Variants in MRPL14 observed in about 807,000 individuals in gnomAD.
MRPL14 encodes large ribosomal subunit protein uL14m.
In MRPL14, 8 loss-of-function variants were observed where a neutral mutation model predicts 10.9. That is an observed-to-expected ratio of 0.74 (90% confidence interval 0.43 to 1.33). MRPL14 has a LOEUF of 1.33. MRPL14 is among the 40% of genes most tolerant of loss of function. MRPL14 has a pLI of 0.01. For synonymous variants in MRPL14, 82 were observed against 74.1 expected (o/e 1.11, Z -0.54); for missense variants, 179 against 194.5 (o/e 0.92, Z 0.47).
chr6:44,125,855 C>A (rs1207106613), intron 1 of MRPL14, among the ~76,000 whole-genome samples: 4 of 152,128 alleles, frequency 2.6e-5, no homozygotes, highest in East Asian at 3.9e-4. Context: ...AAAGACCCTT[C>A]CCACCAAGCA....
chr6:44,122,269 A>C lies in MRPL14; in HGVS notation c.-19+5075T>G, dbSNP rs571464074. ...AGCTAATTTTTTGTATTTTCAGTAG[A>C]GACGGGGGTTTCACTGTGTTAGCCA... On this transcript the variant is annotated intron_variant, in intron 1 of 2. Transcript: ENST00000372014. Among the ~76,000 whole-genome samples, 4 of 152,158 alleles carry C rather than the reference A, an allele frequency of 2.6e-5. No homozygotes were observed. In the East Asian group the frequency reaches 5.8e-4, roughly 22 times the overall value.
intron 2 of MRPL14, among the ~76,000 whole-genome samples, chr6:44,114,878 A>C (rs1162845725): frequency 6.6e-6 from 1 of 152,124 alleles, no homozygotes; most frequent in Non-Finnish European, 1.5e-5. Flanking sequence ...CAAAGGGCTG[A>C]GATTACAGGC....
chr6:44,117,052 T>A (rs529586608), intron 1 of MRPL14, among the ~76,000 whole-genome samples: 351 of 152,238 alleles, frequency 2.3e-3, no homozygotes, highest in African/African-American at 7.8e-3. Context: ...GCACTTTAAC[T>A]CCCTAAAAGA....
At chr6:44,122,619 A>T (rs1776559903) in intron 1 of MRPL14, among the ~76,000 whole-genome samples, 1 of 152,202 alleles carries the variant, frequency 6.6e-6, no homozygotes, top group Non-Finnish European at 1.5e-5. Flanking sequence ...GCCTCTAAGT[A>T]GTACTTAGAT....
intron 1 of MRPL14, among the ~76,000 whole-genome samples, chr6:44,118,403 T>G (rs555945915): frequency 2.1e-4 from 32 of 152,184 alleles, no homozygotes; most frequent in Non-Finnish European, 4.4e-4. Flanking sequence ...ATTAGAAAAT[T>G]GATATACAGG....
chr6:44,113,780 CA>C lies in MRPL14; in HGVS notation c.*62del. ...CCATGTGGCTCCCAAGCTCCCTTAG[CA>C]AAAGGGTGGTTCTCAGAACTGCTCC... On this transcript the variant is annotated 3_prime_UTR_variant, in exon 3 of 3. Coordinates refer to ENST00000372014, the MANE Select transcript of MRPL14 (RefSeq NM_032111.4). 1.3e-6 allele frequency: 2 copies of C among 1,504,446 alleles called. No individual in the cohort carries two copies. The highest frequency in any genetic ancestry group is 1.8e-6 in the Non-Finnish European group (2 of 1,125,002). The allele number at this position is 1,504,446 out of a possible 1,614,324, so 93.2% of individuals were successfully genotyped here.
intron 1 of MRPL14, among the ~76,000 whole-genome samples, chr6:44,123,069 T>C (rs1776609201): frequency 6.6e-6 from 1 of 152,212 alleles, no homozygotes; most frequent in Admixed American, 6.5e-5. Flanking sequence ...TCAAAGTACT[T>C]TCACACAGAT....
chr6:44,118,717 C>G (rs1369396255), intron 1 of MRPL14, among the ~76,000 whole-genome samples: 1 of 152,190 alleles, frequency 6.6e-6, no homozygotes, highest in Non-Finnish European at 1.5e-5. Flanking sequence ...GTAATCCCAG[C>G]ACTTTGGGAG....
rs772851492 is a variant in MRPL14 at position 44,113,833 on chromosome 6, T to C, written c.*10A>G. 6.5e-7 allele frequency: 1 copy of C among 1,539,676 alleles called. No individual in the cohort carries two copies. The highest frequency in any genetic ancestry group is 8.8e-7 in the Non-Finnish European group (1 of 1,140,302). ...TTCACGAGTCCTGCAACCAGAGGCC[T>C]GGGCTCAACTCACACAAAGTTCTGA... is the stretch of plus-strand genomic sequence containing the variant. On this transcript the variant is annotated 3_prime_UTR_variant, in exon 3 of 3. Coordinates refer to ENST00000372014, the MANE Select transcript of MRPL14 (RefSeq NM_032111.4).
intron 1 of MRPL14, 110 bp downstream of exon 1, chr6:44,127,234 C>T (rs1276564223): frequency 6.6e-6 from 1 of 152,068 alleles, no homozygotes; most frequent in South Asian, 2.1e-4. Flanking sequence ...CTGCCTCCCA[C>T]TCTGGCCTCT....
chr6:44,122,764 C>T (rs1582724912), intron 1 of MRPL14, among the ~76,000 whole-genome samples: 5 of 152,090 alleles, frequency 3.3e-5, no homozygotes, highest in Admixed American at 3.3e-4. Context: ...AAAGGACAAA[C>T]TCTGCCAGCG....
intron 1 of MRPL14, chr6:44,126,938 A>T (rs1457223849): frequency 6.6e-6 from 1 of 152,220 alleles, no homozygotes; most frequent in Non-Finnish European, 1.5e-5. Context: ...TGGCTAACTC[A>T]TCTCCAGACC....
rs1241223332 is a variant in MRPL14 at position 44,113,558 on chromosome 6, A to G, written c.*285T>C. On this transcript the variant is annotated 3_prime_UTR_variant, in exon 3 of 3. Coordinates refer to ENST00000372014, the MANE Select transcript of MRPL14 (RefSeq NM_032111.4). ...CTTATAGGGTCCAAACCAGAAAAGC[A>G]AGGGCTCAGACCCTGGCACCAAGGC... The G allele has an allele frequency of 3.5e-6, 1 of 284,164 alleles. No homozygotes were observed. Among genetic ancestry groups the G allele is most frequent in the African/African-American group, 2.2e-5 (1 of 45,992 alleles). 17.6% of individuals were successfully genotyped at this position (284,164 alleles called of 1,614,324 possible).
chr6:44,127,063 G>A (rs1289550909), intron 1 of MRPL14: 1 of 152,186 alleles, frequency 6.6e-6, no homozygotes, highest in Non-Finnish European at 1.5e-5. Flanking sequence ...CCGCAACCCG[G>A]GGAAAGCAGG....
Position 44,124,450 on chromosome 6 carries a change from T to C in MRPL14, c.-19+2894A>G, listed in dbSNP as rs147442691. On this transcript the variant is annotated intron_variant, in intron 1 of 2. Transcript: ENST00000372014. ...TCTGAATTATCCAGTACAGACTAGA[T>C]CTGCAGGATAGTTTGTTTACCAGAT... Among the ~76,000 whole-genome samples the C allele has an allele frequency of 2.0e-5, 3 of 152,316 alleles. No homozygotes were observed. The East Asian group carries it at 5.8e-4, about 29-fold the overall frequency.
In MRPL14 at chr6:44,114,211, T is replaced by C. The variant is rs1562097077; in HGVS notation, c.72-2A>G. 6.3e-7 allele frequency: 1 copy of C among 1,599,574 alleles called. No homozygotes were observed. Among genetic ancestry groups the C allele is most frequent in the Admixed American group, 1.7e-5 (1 of 58,368 alleles). On this transcript the variant is annotated splice_acceptor_variant, in intron 2 of 2. Coordinates refer to ENST00000372014, the MANE Select transcript of MRPL14 (RefSeq NM_032111.4). LOFTEE classifies it high-confidence loss of function. ...ATCGCACTCAGACTCCCAGTGGTGCTGGTGGGAGGAAAAAAAAAAGTCTGC... is the reference window on the plus strand; with the variant it reads ...ATCGCACTCAGACTCCCAGTGGTGCCGGTGGGAGGAAAAAAAAAAGTCTGC...
At position 44,113,831 on chromosome 6, in the gene MRPL14, C is replaced by T; in HGVS notation, c.*12G>A. 1 of 1,538,668 alleles carries T rather than the reference C, an allele frequency of 6.5e-7. No homozygotes were observed. The highest frequency in any genetic ancestry group is 8.8e-7 in the Non-Finnish European group (1 of 1,139,800). ...CATTCACGAGTCCTGCAACCAGAGGCCTGGGCTCAACTCACACAAAGTTCT... is the reference window on the plus strand; with the variant it reads ...CATTCACGAGTCCTGCAACCAGAGGTCTGGGCTCAACTCACACAAAGTTCT... On this transcript the variant is annotated 3_prime_UTR_variant, in exon 3 of 3. Coordinates refer to ENST00000372014, the MANE Select transcript of MRPL14 (RefSeq NM_032111.4).
At chr6:44,125,499 T>C (rs2128204240) in intron 1 of MRPL14, among the ~76,000 whole-genome samples, 1 of 151,238 alleles carries the variant, frequency 6.6e-6, no homozygotes, top group East Asian at 1.9e-4. Flanking sequence ...CTACTAAAAA[T>C]ACAAAAATTA....
At chr6:44,117,171 A>G (rs1213885639) in intron 1 of MRPL14, among the ~76,000 whole-genome samples, 1 of 152,204 alleles carries the variant, frequency 6.6e-6, no homozygotes, top group East Asian at 1.9e-4. Flanking sequence ...AGCAAAGCCA[A>G]AGGCTGCTCT....
Sources: allele counts gnomAD v4.1 joint callset (sites outside exome capture counted in the v4.1 genomes callset), GRCh38; gene constraint gnomAD v4.1.1; transcripts MANE v1.5; gene names NCBI Gene and HGNC (gene_info 2026-07-23, HGNC 2026-07-21).